The following AKAP13 variants were observed in gnomAD, a reference collection of about 807,000 sequenced individuals.
AKAP13 encodes the protein A-kinase anchoring protein 13, also known as A-kinase anchor protein 13.
Under a neutral mutation model 264.5 loss-of-function variants are expected in AKAP13, and 80 were observed. The ratio of observed to expected loss-of-function variants is 0.30; its 90% CI spans 0.25 to 0.36. The LOEUF (loss-of-function observed/expected upper bound fraction) is 0.36, where lower values mean the gene tolerates loss of function less well. Among genes scored for constraint, AKAP13 ranks in the 10% least tolerant of loss-of-function variants. AKAP13 has a pLI of 1.00. For synonymous variants in AKAP13, 1,380 were observed against 1,250.2 expected (o/e 1.10, Z -2.19); for missense variants, 3,712 against 3,435.2 (o/e 1.08, Z -2.01).
chr15:85,457,061 C>CT (rs1259124457), intron 1 of AKAP13, among the ~76,000 whole-genome samples: 4 of 152,278 alleles, frequency 2.6e-5, no homozygotes, highest in Non-Finnish European at 5.9e-5. Context: ...ACATGATCCC[C>CT]TTTTTTCTGA....
chr15:85,669,877 C>T (rs199993731), intron 14 of AKAP13, 47 bp downstream of exon 14: 1 of 1,379,094 alleles, frequency 7.3e-7, no homozygotes, highest in Admixed American at 1.8e-5. Flanking sequence ...AAATCTTAAC[C>T]ACTCTTCCTA....
intron 2 of AKAP13, among the ~76,000 whole-genome samples, chr15:85,491,567 C>G (rs1449503299): frequency 2.7e-5 from 4 of 146,636 alleles, no homozygotes; most frequent in South Asian, 2.1e-4. Flanking sequence ...AGATTTGGCT[C>G]TTATGAGAGG....
Position 85,730,646 on chromosome 15 carries a change from C to T in AKAP13, c.7221C>T (p.Phe2407=). The change falls in exon 30 of 37, where the codon TTC becomes TTT. Residue 2407 remains phenylalanine, a synonymous_variant. Coordinates refer to ENST00000394518, the MANE Select transcript of AKAP13 (RefSeq NM_007200.5). ...CSPTHSPRVL[F]RSNTEEALKG... ...CAACACATAGCCCTAGAGTTCTCTT[C>T]CGCTCCAACACAGAAGAGGCTCTCA... is the stretch of plus-strand genomic sequence containing the variant. 2 of 1,614,156 alleles carry T rather than the reference C, an allele frequency of 1.2e-6. No individual in the cohort carries two copies. Among genetic ancestry groups the T allele is most frequent in the Middle Eastern group, 1.6e-4 (1 of 6,062 alleles).
chr15:85,738,424 T>G (rs1457999987), intron 33 of AKAP13, among the ~76,000 whole-genome samples: 1 of 152,060 alleles, frequency 6.6e-6, no homozygotes, highest in Non-Finnish European at 1.5e-5. Flanking sequence ...GGTAAAAAAT[T>G]TTCTCAGAAG....
At chr15:85,446,124 G>A (rs2073889901) in intron 1 of AKAP13, among the ~76,000 whole-genome samples, 1 of 152,206 alleles carries the variant, frequency 6.6e-6, no homozygotes, top group Non-Finnish European at 1.5e-5. Flanking sequence ...GGACTAGGGA[G>A]TTTGGCTTTA....
At chr15:85,743,232 G>A (rs573939123) in intron 35 of AKAP13, among the ~76,000 whole-genome samples, 16 of 152,202 alleles carry the variant, frequency 1.1e-4, no homozygotes, top group South Asian at 1.0e-3. Flanking sequence ...TTTTTACAAC[G>A]CCGGCGTTTG....
At chr15:85,385,814 T>C (rs1387999411) in intron 1 of AKAP13, among the ~76,000 whole-genome samples, 1 of 152,170 alleles carries the variant, frequency 6.6e-6, no homozygotes, top group Non-Finnish European at 1.5e-5. Context: ...TTACTTGTCT[T>C]AATAATGTCT....
intron 5 of AKAP13, among the ~76,000 whole-genome samples, chr15:85,567,383 G>A (rs1351649346): frequency 6.6e-6 from 1 of 152,230 alleles, no homozygotes; most frequent in Admixed American, 6.5e-5. Context: ...TGAGATTGCA[G>A]GCGTGAGCCA....
At position 85,429,315 on chromosome 15, in the gene AKAP13, G is replaced by C. The variant is rs542096723; in HGVS notation, c.-12+48517G>C. Among the ~76,000 whole-genome samples, 6 of 152,056 alleles carry C rather than the reference G, an allele frequency of 3.9e-5. No individual in the cohort carries two copies. The South Asian group carries it at 1.2e-3, about 32-fold the overall frequency. ...CAGATAATCTCCTTTCATTTCTCTC[G>C]TGCAAGACTAATGGTCCATCTGGGA... On this transcript the variant is annotated intron_variant, in intron 1 of 36. Transcript: ENST00000394518.
intron 36 of AKAP13, 176 bp from the exon 37 acceptor site, chr15:85,744,452 T>C: frequency 1.5e-6 from 1 of 661,618 alleles, no homozygotes. Context: ...GTGAAGGATA[T>C]CACTTAAGAA....
At chr15:85,462,644 A>G (rs762709720) in intron 1 of AKAP13, among the ~76,000 whole-genome samples, 4 of 152,240 alleles carry the variant, frequency 2.6e-5, no homozygotes, top group African/African-American at 7.2e-5. Context: ...TGTTATTACT[A>G]TACTCATTTA....
At chr15:85,556,182 T>A (rs1338313490) in intron 5 of AKAP13, among the ~76,000 whole-genome samples, 1 of 152,226 alleles carries the variant, frequency 6.6e-6, no homozygotes, top group African/African-American at 2.4e-5. Flanking sequence ...GGAAATACAC[T>A]GATACCTGCC....
At chr15:85,567,549 G>T (rs1262775062) in intron 5 of AKAP13, among the ~76,000 whole-genome samples, 4 of 152,182 alleles carry the variant, frequency 2.6e-5, no homozygotes, top group Non-Finnish European at 5.9e-5. Flanking sequence ...CTGTGTGCAT[G>T]TGCTTTTGGG....
At chr15:85,563,384 C>T (rs970885364) in intron 5 of AKAP13, among the ~76,000 whole-genome samples, 1 of 127,324 alleles carries the variant, frequency 7.9e-6, no homozygotes, top group East Asian at 2.4e-4. Flanking sequence ...TTGGGCTAGG[C>T]AGTTTGTCCA....
intron 8 of AKAP13, among the ~76,000 whole-genome samples, chr15:85,586,927 C>CAA (rs571250173): frequency 1.8e-4 from 13 of 73,840 alleles, no homozygotes; most frequent in African/African-American, 5.8e-4. Flanking sequence ...GACACCTTCT[C>CAA]AAAAAAAAAA....
At chr15:85,479,892 ATTTTT>A (rs935566909) in intron 1 of AKAP13, among the ~76,000 whole-genome samples, 1 of 151,588 alleles carries the variant, frequency 6.6e-6, no homozygotes, top group African/African-American at 2.4e-5. Flanking sequence ...TCTCATTTTA[ATTTTT>A]TTTTATTGGT....
At chr15:85,520,214 G>A (rs8037636) in intron 2 of AKAP13, among the ~76,000 whole-genome samples, 36,567 of 151,832 alleles carry the variant, frequency 0.24, 4,790 homozygotes, top group African/African-American at 0.35. Flanking sequence ...GAGTATTTGC[G>A]GCTGGGTACG....
At chr15:85,721,880 A>C in intron 23 of AKAP13, 111 bp from the exon 24 acceptor site, 1 of 1,502,654 alleles carries the variant, frequency 6.7e-7, no homozygotes, top group Non-Finnish European at 8.9e-7. Context: ...CTTTTGGGAG[A>C]ATTTATGAGG....
intron 1 of AKAP13, among the ~76,000 whole-genome samples, chr15:85,381,377 GC>G (rs1248604912): frequency 6.6e-6 from 1 of 151,866 alleles, no homozygotes; most frequent in Non-Finnish European, 1.5e-5. Flanking sequence ...CAGCTGACCC[GC>G]GCGGGTCGCA....
Sources: gnomAD v4.1 joint callset for allele counts (sites outside exome capture counted in the v4.1 genomes callset) on GRCh38, gnomAD v4.1.1 for gene constraint, MANE v1.5 for transcripts, NCBI Gene and HGNC (gene_info 2026-07-23, HGNC 2026-07-21) for gene names.